Variants in IL1RAPL1 observed in about 807,000 individuals in gnomAD.
IL1RAPL1 encodes interleukin 1 receptor accessory protein like 1, also known as interleukin-1 receptor accessory protein-like 1.
In IL1RAPL1, 3 loss-of-function variants were observed where a neutral mutation model predicts 48.4. The observed-to-expected ratio is 0.06, with a 90% CI of 0.03 to 0.16. The LOEUF (loss-of-function observed/expected upper bound fraction) is 0.16, where lower values mean the gene tolerates loss of function less well. Among genes scored for constraint, IL1RAPL1 ranks in the 10% least tolerant of loss-of-function variants. IL1RAPL1 has a pLI of 1.00. For missense variants in IL1RAPL1, 349 were observed against 530.6 expected, an observed-to-expected ratio of 0.66 and a Z score of 3.36; for synonymous variants, 185 against 187.7, an observed-to-expected ratio of 0.99 and a Z score of 0.12.
Position 29,220,368 on chromosome X carries a change from G to C in IL1RAPL1, c.83-62570G>C, listed in dbSNP as rs1930952409. On this transcript the variant is annotated intron_variant, in intron 2 of 10. Coordinates refer to ENST00000378993, the MANE Select transcript of IL1RAPL1 (RefSeq NM_014271.4). ...GCTTGAAAAATTACATGAAACATTA[G>C]TACATTTTTGGAGACTCTTATCTTG... Among the ~76,000 whole-genome samples the C allele has an allele frequency of 3.6e-5, 4 of 112,379 alleles. No homozygotes were observed. In the Admixed American group the frequency reaches 3.8e-4, roughly 11 times the overall value.
intron 2 of IL1RAPL1, among the ~76,000 whole-genome samples, chrX:29,178,507 A>C (rs1291629193): frequency 8.9e-6 from 1 of 111,826 alleles, no homozygotes; most frequent in Admixed American, 9.5e-5. Context: ...CCTTTGTCAG[A>C]TAGGTAGATT....
At chrX:29,443,114 T>C (rs563482193) in intron 5 of IL1RAPL1, among the ~76,000 whole-genome samples, 9 of 110,576 alleles carry the variant, frequency 8.1e-5, no homozygotes, top group Middle Eastern at 4.6e-3. Context: ...CTAAGAATCC[T>C]TAGTAGAATC....
intron 5 of IL1RAPL1, among the ~76,000 whole-genome samples, chrX:29,628,322 A>G (rs955343323): frequency 1.8e-5 from 2 of 112,023 alleles, no homozygotes; most frequent in Non-Finnish European, 3.8e-5. Context: ...CATCAGAGAA[A>G]TTGTGTTTTC....
intron 5 of IL1RAPL1, among the ~76,000 whole-genome samples, chrX:29,473,564 A>T (rs752264169): frequency 1.8e-5 from 2 of 109,158 alleles, no homozygotes; most frequent in East Asian, 5.9e-4. Flanking sequence ...TTCAGCTAGA[A>T]CACTCTTAAT....
chrX:28,701,359 T>C (rs1013588475), intron 1 of IL1RAPL1, among the ~76,000 whole-genome samples: 1 of 112,007 alleles, frequency 8.9e-6, no homozygotes, highest in African/African-American at 3.2e-5. Flanking sequence ...ACTGAATAAA[T>C]GGGTAAAATA....
chrX:29,069,200 T>C lies in IL1RAPL1; in HGVS notation c.83-213738T>C, dbSNP rs375780988. On this transcript the variant is annotated intron_variant, in intron 2 of 10. Coordinates refer to ENST00000378993, the MANE Select transcript of IL1RAPL1 (RefSeq NM_014271.4). ...GATCAGATGTCTTTGAAATTATCCTTTTTAGTGCAATGAGGAAATTGAAGT... is the reference window on the plus strand; with the variant it reads ...GATCAGATGTCTTTGAAATTATCCTCTTTAGTGCAATGAGGAAATTGAAGT... Among the ~76,000 whole-genome samples the C allele has an allele frequency of 5.5e-4, 62 of 111,982 alleles. 2 individuals are homozygous for C. Among genetic ancestry groups the C allele is most frequent in the Admixed American group, 1.8e-3 (19 of 10,492 alleles).
intron 5 of IL1RAPL1, among the ~76,000 whole-genome samples, chrX:29,625,916 C>A (rs1392484065): frequency 9.0e-6 from 1 of 111,488 alleles, no homozygotes; most frequent in African/African-American, 3.3e-5. Flanking sequence ...GGCAGCCTGC[C>A]TTTATTGCCA....
intron 2 of IL1RAPL1, among the ~76,000 whole-genome samples, chrX:28,955,429 C>T (rs1182879030): frequency 1.8e-5 from 2 of 110,791 alleles, no homozygotes; most frequent in African/African-American, 6.6e-5. Flanking sequence ...TACATTAGGT[C>T]GAATCATTAA....
At chrX:29,802,775 A>ATATG (rs1929960757) in intron 6 of IL1RAPL1, among the ~76,000 whole-genome samples, 1 of 30,667 alleles carries the variant, frequency 3.3e-5, no homozygotes, top group East Asian at 1.5e-3. Flanking sequence ...ATATATATAT[A>ATATG]TATATATGTG....
At chrX:29,237,324 C>T (rs148066603) in intron 2 of IL1RAPL1, among the ~76,000 whole-genome samples, 22 of 111,997 alleles carry the variant, frequency 2.0e-4, no homozygotes, top group Non-Finnish European at 3.2e-4. Flanking sequence ...GGGAAAACAA[C>T]GTTAATTAGA....
intron 3 of IL1RAPL1, among the ~76,000 whole-genome samples, chrX:29,335,257 G>C (rs1602179458): frequency 6.0e-5 from 2 of 33,520 alleles, no homozygotes; most frequent in South Asian, 2.7e-3. Context: ...ACCGTGGAGG[G>C]AGACGGAGAC....
Position 29,316,133 on chromosome X carries a change from C to CT in IL1RAPL1, c.362+32919dup, listed in dbSNP as rs1403219984. On this transcript the variant is annotated intron_variant, in intron 3 of 10. Transcript: ENST00000378993. ...TCTGAAACATTTTAACAGTCTCCTC[C>CT]TTTGTATATGACCCCAGTGCCCTCA... Among the ~76,000 whole-genome samples the CT allele has an allele frequency of 2.7e-5, 3 of 112,161 alleles. No individual in the cohort carries two copies. In the Admixed American group the frequency reaches 2.8e-4, roughly 11 times the overall value.
At chrX:29,931,471 T>G (rs1187769470) in intron 8 of IL1RAPL1, among the ~76,000 whole-genome samples, 1 of 111,595 alleles carries the variant, frequency 9.0e-6, no homozygotes, top group Non-Finnish European at 1.9e-5. Context: ...ATGCTTTCAG[T>G]AAGTCAGAAA....
intron 1 of IL1RAPL1, among the ~76,000 whole-genome samples, chrX:28,732,804 G>A (rs1935771555): frequency 9.0e-6 from 1 of 111,336 alleles, no homozygotes; most frequent in Admixed American, 9.6e-5. Flanking sequence ...GGGAGGCAGA[G>A]GTTGCAGTGA....
At chrX:29,483,454 A>G (rs1438859068) in intron 5 of IL1RAPL1, among the ~76,000 whole-genome samples, 8 of 111,592 alleles carry the variant, frequency 7.2e-5, no homozygotes, top group Admixed American at 4.8e-4. Context: ...AGACAAAGTC[A>G]TACGTTCTGC....
intron 3 of IL1RAPL1, among the ~76,000 whole-genome samples, chrX:29,361,191 G>C (rs1313196504): frequency 8.9e-6 from 1 of 111,803 alleles, no homozygotes; most frequent in Non-Finnish European, 1.9e-5. Context: ...TGGAACAACT[G>C]TAGAGTATAG....
intron 5 of IL1RAPL1, among the ~76,000 whole-genome samples, chrX:29,500,809 C>G (rs1395162250): frequency 1.8e-5 from 1 of 54,326 alleles, no homozygotes; most frequent in Non-Finnish European, 3.7e-5. Flanking sequence ...ATATATTTGT[C>G]TTTTTTCTTT....
intron 5 of IL1RAPL1, among the ~76,000 whole-genome samples, chrX:29,535,043 A>T (rs1921177465): frequency 1.0e-5 from 1 of 96,016 alleles, no homozygotes; most frequent in African/African-American, 3.9e-5. Context: ...CTGAAGTGGG[A>T]GGATGGCTTG....
chrX:29,819,355 GA>G (rs1487953638), intron 6 of IL1RAPL1, among the ~76,000 whole-genome samples: 3 of 110,905 alleles, frequency 2.7e-5, no homozygotes, highest in Non-Finnish European at 5.7e-5. Flanking sequence ...TAACTAGAGG[GA>G]AATTTGTTTC....
Sources: allele counts gnomAD v4.1 joint callset (sites outside exome capture counted in the v4.1 genomes callset), GRCh38; gene constraint gnomAD v4.1.1; transcripts MANE v1.5; gene names NCBI Gene and HGNC (gene_info 2026-07-23, HGNC 2026-07-21).